PTPRD: variants seen among roughly 807,000 people sequenced by gnomAD.
PTPRD encodes protein tyrosine phosphatase receptor type D, also known as receptor-type tyrosine-protein phosphatase delta.
A neutral mutation model predicts 214.5 loss-of-function variants in PTPRD; 34 were observed. That is an observed-to-expected ratio of 0.16 (90% CI 0.12 to 0.21). The LOEUF (loss-of-function observed/expected upper bound fraction) is 0.21, where lower values mean the gene tolerates loss of function less well. Ranked by LOEUF, PTPRD falls within the 10% of genes least tolerant of loss-of-function variation. The pLI is 1.00. For synonymous variants in PTPRD, 1,128 were observed against 845.7 expected, an observed-to-expected ratio of 1.33 and a Z score of -5.79; for missense variants, 2,545 against 2,398.7, an observed-to-expected ratio of 1.06 and a Z score of -1.27.
intron 2 of PTPRD, among the ~76,000 whole-genome samples, chr9:10,381,924 T>A (rs1221816327): frequency 1.3e-5 from 2 of 152,080 alleles, no homozygotes; most frequent in African/African-American, 4.8e-5. Context: ...CAAAGTTTAT[T>A]GTAATATATT....
At chr9:10,291,597 G>T (rs1224716648) in intron 3 of PTPRD, among the ~76,000 whole-genome samples, 1 of 151,908 alleles carries the variant, frequency 6.6e-6, no homozygotes, top group Non-Finnish European at 1.5e-5. Flanking sequence ...TTTGAAAATG[G>T]AGGAAGAGGC....
chr9:9,516,988 GATATAAACAT>G, intron 8 of PTPRD, among the ~76,000 whole-genome samples: 1 of 151,388 alleles, frequency 6.6e-6, no homozygotes, highest in African/African-American at 2.4e-5. Flanking sequence ...GAAAACAAAT[GATATAAACAT>G]AATAAATGCT....
At chr9:9,194,628 G>C (rs1269537314) in intron 9 of PTPRD, among the ~76,000 whole-genome samples, 1 of 152,104 alleles carries the variant, frequency 6.6e-6, no homozygotes, top group Non-Finnish European at 1.5e-5. Flanking sequence ...ATCAAGTAGA[G>C]ACAGACAAGA....
chr9:9,936,049 C>T (rs1434210311), intron 5 of PTPRD, among the ~76,000 whole-genome samples: 1 of 148,856 alleles, frequency 6.7e-6, no homozygotes, highest in Non-Finnish European at 1.5e-5. Context: ...AACTGGATCC[C>T]TTCCTTACAC....
At chr9:10,133,549 G>A (rs901058250) in intron 3 of PTPRD, among the ~76,000 whole-genome samples, 1 of 116,612 alleles carries the variant, frequency 8.6e-6, no homozygotes, top group Non-Finnish European at 1.9e-5. Context: ...TAACTTAAAA[G>A]GTCTGTCTAC....
intron 8 of PTPRD, among the ~76,000 whole-genome samples, chr9:9,411,065 GTT>G (rs1236119616): frequency 3.3e-5 from 5 of 152,054 alleles, no homozygotes; most frequent in Admixed American, 6.6e-5. Flanking sequence ...GTGTGTGTGT[GTT>G]GGACTAGAAA....
intron 9 of PTPRD, among the ~76,000 whole-genome samples, chr9:9,376,142 A>C (rs1301937017): frequency 6.6e-6 from 1 of 152,122 alleles, no homozygotes; most frequent in Admixed American, 6.6e-5. Context: ...TACGTATTTC[A>C]GTGTTAAAAA....
chr9:8,692,255 A>G (rs1265523486), intron 12 of PTPRD, among the ~76,000 whole-genome samples: 1 of 152,234 alleles, frequency 6.6e-6, no homozygotes, highest in South Asian at 2.1e-4. Flanking sequence ...GCTGAACACA[A>G]TAACATTAAT....
intron 5 of PTPRD, among the ~76,000 whole-genome samples, chr9:9,814,691 G>A (rs917036429): frequency 2.0e-5 from 3 of 151,534 alleles, no homozygotes; most frequent in African/African-American, 7.3e-5. Flanking sequence ...CAATCTACAG[G>A]TTCCACGCAA....
chr9:9,677,450 A>G (rs1490236089), intron 7 of PTPRD, among the ~76,000 whole-genome samples: 1 of 152,164 alleles, frequency 6.6e-6, no homozygotes, highest in Non-Finnish European at 1.5e-5. Context: ...GCATATAAAC[A>G]GAACCAATGA....
chr9:9,280,218 T>C (rs1595075457), intron 9 of PTPRD, among the ~76,000 whole-genome samples: 1 of 151,320 alleles, frequency 6.6e-6, no homozygotes. Context: ...GGAGAATCCA[T>C]ATTGTGAAGG....
At chr9:9,831,736 T>G (rs759402933) in intron 5 of PTPRD, among the ~76,000 whole-genome samples, 1 of 152,032 alleles carries the variant, frequency 6.6e-6, no homozygotes, top group Non-Finnish European at 1.5e-5. Context: ...CTAATTTATA[T>G]CATCAATAAG....
At chr9:10,282,080 T>C (rs1320721176) in intron 3 of PTPRD, among the ~76,000 whole-genome samples, 1 of 151,952 alleles carries the variant, frequency 6.6e-6, no homozygotes, top group Non-Finnish European at 1.5e-5. Flanking sequence ...TATGAAGAAA[T>C]GCTAGATGAA....
At chr9:8,410,769 G>A (rs1188521466) in intron 35 of PTPRD, among the ~76,000 whole-genome samples, 1 of 152,210 alleles carries the variant, frequency 6.6e-6, no homozygotes, top group East Asian at 1.9e-4. Context: ...TCTAATGGTT[G>A]CATTTGAAAT....
At chr9:8,593,253 G>C (rs1249940258) in intron 14 of PTPRD, among the ~76,000 whole-genome samples, 2 of 152,132 alleles carry the variant, frequency 1.3e-5, no homozygotes, top group East Asian at 3.8e-4. Context: ...TTTTGCTAAG[G>C]ATGGTTAAGA....
At position 9,934,256 on chromosome 9, in the gene PTPRD, C is replaced by CA. The variant is rs1184563582; in HGVS notation, c.-368+4250dup. Among the ~76,000 whole-genome samples the CA allele has an allele frequency of 3.4e-5, 5 of 146,348 alleles. No individual in the cohort carries two copies. The East Asian group carries it at 7.8e-4, about 23-fold the overall frequency. ...AGCAGAACTGAAGGAAATAGAGACA[C>CA]AAAAAACCCTTCAAAAAAATCAATG... On this transcript the variant is annotated intron_variant, in intron 5 of 45. Transcript: ENST00000381196.
At chr9:8,849,658 C>G (rs2097774704) in intron 11 of PTPRD, among the ~76,000 whole-genome samples, 1 of 152,158 alleles carries the variant, frequency 6.6e-6, no homozygotes, top group Non-Finnish European at 1.5e-5. Flanking sequence ...ATTCCAGGAA[C>G]AGTATTGGTA....
chr9:9,177,744 G>T (rs1322144980), intron 10 of PTPRD, among the ~76,000 whole-genome samples: 1 of 152,022 alleles, frequency 6.6e-6, no homozygotes, highest in Non-Finnish European at 1.5e-5. Context: ...TTAAAAATCA[G>T]CTTAAGAGGC....
intron 3 of PTPRD, among the ~76,000 whole-genome samples, chr9:10,184,740 G>T (rs965331799): frequency 1.3e-5 from 2 of 152,134 alleles, no homozygotes; most frequent in African/African-American, 4.8e-5. Flanking sequence ...ATATGTGGGG[G>T]CAGAATAAGC....
Sources: allele counts gnomAD v4.1 joint callset (sites outside exome capture counted in the v4.1 genomes callset), GRCh38; gene constraint gnomAD v4.1.1; transcripts MANE v1.5; gene names NCBI Gene and HGNC (gene_info 2026-07-23, HGNC 2026-07-21).